NDUFAF6: variants seen among roughly 807,000 people sequenced by gnomAD.
NDUFAF6 encodes NADH:ubiquinone oxidoreductase complex assembly factor 6.
NDUFAF6 carries 45 observed loss-of-function variants against 40.8 expected under a neutral mutation model. That is an observed-to-expected ratio of 1.10 (90% CI 0.87 to 1.42). The LOEUF is 1.42. NDUFAF6 is among the 40% of genes most tolerant of loss of function. The pLI is 0.00. For missense variants in NDUFAF6, 435 were observed against 418.5 expected, an observed-to-expected ratio of 1.04 and a Z score of -0.34; for synonymous variants, 185 against 155.9, an observed-to-expected ratio of 1.19 and a Z score of -1.39.
chr8:94,958,929 A>G (rs1823320157), intron 1 of NDUFAF6, among the ~76,000 whole-genome samples: 1 of 152,210 alleles, frequency 6.6e-6, no homozygotes, highest in Non-Finnish European at 1.5e-5. Flanking sequence ...TTGTAAAGGA[A>G]AGCAAAAGAT....
chr8:94,972,486 G>A (rs550167184), intron 1 of NDUFAF6, among the ~76,000 whole-genome samples: 30 of 152,190 alleles, frequency 2.0e-4, no homozygotes, highest in African/African-American at 7.0e-4. Context: ...TGATCTGCCC[G>A]CCTCAACCTC....
At chr8:95,117,681 G>A (rs1810164042), downstream of NDUFAF6, among the ~76,000 whole-genome samples, 1 of 152,178 alleles carries the variant, frequency 6.6e-6, no homozygotes, top group South Asian at 2.1e-4. Flanking sequence ...AGTTAGACAG[G>A]CCGTATGACT....
downstream of NDUFAF6, among the ~76,000 whole-genome samples, chr8:95,105,930 C>G (rs1809830995): frequency 6.6e-6 from 1 of 152,166 alleles, no homozygotes. Flanking sequence ...GTCACCTTGC[C>G]TGGCCTAGGG....
intron 2 of NDUFAF6, among the ~76,000 whole-genome samples, chr8:95,093,721 T>C (rs1809346287): frequency 6.6e-6 from 1 of 152,220 alleles, no homozygotes. Context: ...ACTATATTAA[T>C]TTTGCCTCAG....
intron 1 of NDUFAF6, among the ~76,000 whole-genome samples, chr8:94,933,837 G>GA (rs1380216706): frequency 2.0e-5 from 3 of 148,148 alleles, no homozygotes; most frequent in African/African-American, 7.5e-5. Context: ...CACTTTGTGG[G>GA]GGGGGGGGGA....
intron 2 of NDUFAF6, among the ~76,000 whole-genome samples, chr8:94,994,699 G>A (rs903236140): frequency 3.9e-5 from 6 of 152,082 alleles, no homozygotes; most frequent in Admixed American, 2.6e-4. Context: ...CAGGCATGAT[G>A]GCATGTACCT....
chr8:94,954,013 T>A (rs1822857541), upstream of NDUFAF6, among the ~76,000 whole-genome samples: 1 of 152,078 alleles, frequency 6.6e-6, no homozygotes, highest in South Asian at 2.1e-4. Flanking sequence ...TTGATAGGAG[T>A]AGGCATTTAT....
In NDUFAF6 at chr8:95,057,867, C is replaced by T. The variant is rs1430891827; in HGVS notation, c.932C>T (p.Pro311Leu). 6.2e-7 allele frequency: 1 copy of T among 1,607,020 alleles called. No homozygotes were observed. The highest frequency in any genetic ancestry group is 1.7e-5 in the Admixed American group (1 of 59,946). ...CGAGTGGATTTTGATATATTCCACC[C>T]ATCTTTACAGCAGAAGAATACATTA... ...IQRVDFDIFH[P>L]SLQQKNTLLP... Residue 311 changes from proline to leucine, a missense_variant, in exon 9 of 9, where the codon CCA becomes CTA. By Grantham distance (98) the Pro-to-Leu change is moderately conservative. Transcript: ENST00000396124.
chr8:94,962,426 AG>A (rs1312314932), intron 1 of NDUFAF6, among the ~76,000 whole-genome samples: 1 of 151,876 alleles, frequency 6.6e-6, no homozygotes, highest in Non-Finnish European at 1.5e-5. Flanking sequence ...CCAAGTAGCT[AG>A]GATTACAGGC....
Position 94,902,840 on chromosome 8 carries a change from C to T in NDUFAF6, c.-936+6913C>T, listed in dbSNP as rs565717501. The stretch of plus-strand genomic sequence containing the variant: ...CCTCCCGAGTAGTTGGGATTACAGG[C>T]GCCCACCACCACGCCCAGCTAATTT... On this transcript the variant is annotated intron_variant, in intron 1 of 14. Transcript: ENST00000396113. Among the ~76,000 whole-genome samples, 57 of 151,822 alleles carry T rather than the reference C, an allele frequency of 3.8e-4. No individual in the cohort carries two copies. The East Asian group carries it at 0.01, about 28-fold the overall frequency.
chr8:94,962,930 A>G (rs1823714590), intron 1 of NDUFAF6, among the ~76,000 whole-genome samples: 1 of 151,786 alleles, frequency 6.6e-6, no homozygotes, highest in Non-Finnish European at 1.5e-5. Flanking sequence ...AGCTGGGATT[A>G]TAGGCACCCA....
At chr8:95,084,856 G>A (rs1170403887) in intron 2 of NDUFAF6, among the ~76,000 whole-genome samples, 2 of 152,182 alleles carry the variant, frequency 1.3e-5, no homozygotes, top group Admixed American at 6.5e-5. Context: ...GAAAGAACTG[G>A]GGAATGGTTA....
chr8:94,910,384 C>T (rs1299884527), intron 1 of NDUFAF6, among the ~76,000 whole-genome samples: 8 of 152,160 alleles, frequency 5.3e-5, no homozygotes, highest in African/African-American at 1.7e-4. Context: ...AACTCCTGAC[C>T]TCGGGTGAAC....
At chr8:95,045,484 A>C (rs574069716) in intron 4 of NDUFAF6, 61 bp from the exon 5 acceptor site, 76 of 1,199,608 alleles carry the variant, frequency 6.3e-5, no homozygotes, top group Admixed American at 4.1e-4. Flanking sequence ...AAAAAACAGC[A>C]CCTTTTCTTT....
intron 2 of NDUFAF6, among the ~76,000 whole-genome samples, chr8:95,007,682 TA>T (rs1392303735): frequency 1.3e-5 from 2 of 148,264 alleles, no homozygotes; most frequent in East Asian, 3.9e-4. Context: ...TTTTTTTTTT[TA>T]ATCTGTGGTA....
At chr8:95,062,749 C>T (rs1832602299), downstream of NDUFAF6, among the ~76,000 whole-genome samples, 3 of 152,350 alleles carry the variant, frequency 2.0e-5, no homozygotes, top group Admixed American at 1.3e-4. Context: ...TTCTCCCTCA[C>T]TTAGCCATAT....
At chr8:94,907,416 C>T (rs1043181953) in intron 1 of NDUFAF6, among the ~76,000 whole-genome samples, 1 of 152,104 alleles carries the variant, frequency 6.6e-6, no homozygotes, top group Non-Finnish European at 1.5e-5. Flanking sequence ...CAGGAGTCCT[C>T]GTGCTGTGTG....
intron 1 of NDUFAF6, among the ~76,000 whole-genome samples, chr8:94,899,249 T>C (rs12546365): frequency 0.46 from 69,535 of 152,008 alleles, 16,770 homozygotes; most frequent in East Asian, 0.73. Context: ...ACAATTTTAT[T>C]GTTAAACAAA....
At chr8:94,904,370 G>T (rs1818253391) in intron 1 of NDUFAF6, among the ~76,000 whole-genome samples, 1 of 108,098 alleles carries the variant, frequency 9.3e-6, no homozygotes, top group Admixed American at 1.1e-4. Context: ...TAAAGACAGG[G>T]TTTCACCGTG....
Sources: gnomAD v4.1 joint callset for allele counts (sites outside exome capture counted in the v4.1 genomes callset) on GRCh38, gnomAD v4.1.1 for gene constraint, MANE v1.5 for transcripts, NCBI Gene and HGNC (gene_info 2026-07-23, HGNC 2026-07-21) for gene names.